TGFBR3: variants seen among roughly 807,000 people sequenced by gnomAD.
TGFBR3 encodes transforming growth factor beta receptor type 3.
In TGFBR3, 46 loss-of-function variants were observed where a neutral mutation model predicts 87.9. The ratio of observed to expected loss-of-function variants is 0.52; its 90% CI spans 0.41 to 0.67. TGFBR3 has a LOEUF of 0.67. Among genes scored for constraint, TGFBR3 ranks in the 30% least tolerant of loss-of-function variants. The probability of loss-of-function intolerance (pLI) is 0.00; values close to 1 mark genes in which losing one functional copy is unlikely to be tolerated. For missense variants in TGFBR3, 866 were observed against 1,041.9 expected (o/e 0.83, Z 2.32); for synonymous variants, 381 against 391.6 (o/e 0.97, Z 0.32).
intron 14 of TGFBR3, among the ~76,000 whole-genome samples, chr1:91,699,152 T>TCCTTA (rs1299688073): frequency 1.3e-5 from 2 of 152,102 alleles, no homozygotes; most frequent in African/African-American, 4.8e-5. Context: ...CCTGATGGAG[T>TCCTTA]CCTTCACCCA....
intron 3 of TGFBR3, among the ~76,000 whole-genome samples, chr1:91,795,428 T>A (rs1270876736): frequency 6.6e-6 from 1 of 152,182 alleles, no homozygotes; most frequent in Non-Finnish European, 1.5e-5. Context: ...TACTGCCAGG[T>A]CCTAAAATGA....
intron 2 of TGFBR3, among the ~76,000 whole-genome samples, chr1:91,851,899 C>T (rs1020136943): frequency 6.6e-6 from 1 of 152,186 alleles, no homozygotes; most frequent in African/African-American, 2.4e-5. Flanking sequence ...AAACATCCTC[C>T]CCTCCACTAT....
intron 12 of TGFBR3, 68 bp from the exon 13 acceptor site, chr1:91,712,610 CCA>C: frequency 1.3e-6 from 2 of 1,488,136 alleles, no homozygotes; most frequent in Non-Finnish European, 1.9e-6. Flanking sequence ...GGCACAAGGA[CCA>C]TATGCCAAGA....
intron 7 of TGFBR3, among the ~76,000 whole-genome samples, 193 bp from the exon 8 acceptor site, chr1:91,722,337 G>C (rs546842043): frequency 6.6e-6 from 1 of 151,998 alleles, no homozygotes; most frequent in Non-Finnish European, 1.5e-5. Context: ...AGACATCTAC[G>C]TATGCTGCTT....
intron 3 of TGFBR3, among the ~76,000 whole-genome samples, chr1:91,794,206 T>TA (rs1675292497): frequency 1.8e-5 from 1 of 55,146 alleles, no homozygotes; most frequent in Admixed American, 2.3e-4. Context: ...CTCCTCCACC[T>TA]TTTTTTTTTG....
upstream of TGFBR3, among the ~76,000 whole-genome samples, chr1:91,886,934 A>G (rs1466742451): frequency 6.6e-6 from 1 of 152,030 alleles, no homozygotes; most frequent in East Asian, 1.9e-4. Context: ...CGTCCTAAGT[A>G]CCTGTGCCTG....
intron 1 of TGFBR3, among the ~76,000 whole-genome samples, chr1:91,878,437 A>G (rs1481134029): frequency 2.0e-5 from 3 of 152,236 alleles, no homozygotes; most frequent in African/African-American, 7.2e-5. Flanking sequence ...AACAAAACGA[A>G]TACTCCCAAA....
intron 2 of TGFBR3, among the ~76,000 whole-genome samples, chr1:91,856,582 C>G (rs1264969812): frequency 6.6e-6 from 1 of 152,230 alleles, no homozygotes; most frequent in Non-Finnish European, 1.5e-5. Context: ...TCTGCCCCTC[C>G]TCTGGCCACA....
At chr1:91,794,204 C>T (rs1025110229) in intron 3 of TGFBR3, among the ~76,000 whole-genome samples, 1 of 82,380 alleles carries the variant, frequency 1.2e-5, no homozygotes, top group African/African-American at 5.5e-5. Context: ...ATCTCCTCCA[C>T]CTTTTTTTTT....
rs1671627193 is a variant in TGFBR3, at chr1:91,701,796, A to C, written c.2288-3666T>G. ...CTATTGGCATTTGGCAAAGAGAAGAATGGGGAGAGGAAGATTCCTCCTGGA... is the reference window on the plus strand; with the variant it reads ...CTATTGGCATTTGGCAAAGAGAAGACTGGGGAGAGGAAGATTCCTCCTGGA... On this transcript the variant is annotated intron_variant, in intron 14 of 16. Transcript: ENST00000212355. Among the ~76,000 whole-genome samples, 2 of 152,164 alleles carry C rather than the reference A, an allele frequency of 1.3e-5. 1 individual carries two copies. Among genetic ancestry groups the C allele is most frequent in the South Asian group, 4.1e-4 (2 of 4,822 alleles).
chr1:91,776,957 C>A (rs1323631830), intron 3 of TGFBR3, among the ~76,000 whole-genome samples: 1 of 152,200 alleles, frequency 6.6e-6, no homozygotes, highest in African/African-American at 2.4e-5. Context: ...ATCTAACAAA[C>A]AAAGGTCCTG....
At chr1:91,757,817 G>A (rs182711350) in intron 4 of TGFBR3, among the ~76,000 whole-genome samples, 1 of 152,304 alleles carries the variant, frequency 6.6e-6, no homozygotes, top group African/African-American at 2.4e-5. Context: ...TGAGGCAAGA[G>A]GAAAACTATT....
chr1:91,835,777 G>A (rs1460471698), intron 2 of TGFBR3, among the ~76,000 whole-genome samples: 7 of 132,558 alleles, frequency 5.3e-5, no homozygotes, highest in East Asian at 2.3e-4. Flanking sequence ...GCAGTGAGCC[G>A]AGATTGTGCC....
chr1:91,820,938 G>C (rs1431505519), intron 2 of TGFBR3, among the ~76,000 whole-genome samples: 2 of 152,218 alleles, frequency 1.3e-5, no homozygotes, highest in Admixed American at 6.5e-5. Context: ...AGGTAGGGGT[G>C]ATGCTAGAGA....
chr1:91,812,805 G>T (rs1401953726), intron 2 of TGFBR3, among the ~76,000 whole-genome samples: 1 of 152,122 alleles, frequency 6.6e-6, no homozygotes, highest in Non-Finnish European at 1.5e-5. Context: ...GTAGAGATGG[G>T]GTTTCACCAT....
chr1:91,890,409 C>CTTTTTTTTTTTTTTTTTTTTTT (rs1175619952), upstream of TGFBR3, among the ~76,000 whole-genome samples: 2 of 60,364 alleles, frequency 3.3e-5, no homozygotes, highest in African/African-American at 1.4e-4. Flanking sequence ...TCTCTATAAT[C>CTTTTTTTTTTTTTTTTTTTTTT]TTTTTTTTTT....
chr1:91,757,492 A>C (rs1034086904), intron 4 of TGFBR3, among the ~76,000 whole-genome samples: 2 of 152,030 alleles, frequency 1.3e-5, no homozygotes, highest in African/African-American at 4.8e-5. Context: ...TACTTCCTGA[A>C]CTCCCTCCAT....
rs199786596 is a variant in TGFBR3 at position 91,717,689 on chromosome 1, T to TAAAA, written c.1567-985_1567-982dup. Among the ~76,000 whole-genome samples the TAAAA allele has an allele frequency of 1.6e-4, 22 of 136,162 alleles. 1 individual carries two copies. Among genetic ancestry groups the TAAAA allele is most frequent in the South Asian group, 2.4e-4 (1 of 4,166 alleles). 89.3% of individuals were successfully genotyped at this position (136,162 alleles called of 152,430 possible). ...AAAGGGAGTAGGATGGGAAGAAAAT[T>TAAAA]AAAAAAAAAAAACAAACTGCCTTTC... is the stretch of plus-strand genomic sequence containing the variant. On this transcript the variant is annotated intron_variant, in intron 10 of 16. Coordinates refer to ENST00000212355, the MANE Select transcript of TGFBR3 (RefSeq NM_003243.5).
intron 2 of TGFBR3, among the ~76,000 whole-genome samples, chr1:91,898,782 A>T (rs1679614958): frequency 6.6e-6 from 1 of 152,180 alleles, no homozygotes; most frequent in African/African-American, 2.4e-5. Context: ...TCCTATAAGA[A>T]ATAAAATATT....
Sources: allele counts gnomAD v4.1 joint callset (sites outside exome capture counted in the v4.1 genomes callset), GRCh38; gene constraint gnomAD v4.1.1; transcripts MANE v1.5; gene names NCBI Gene and HGNC (gene_info 2026-07-23, HGNC 2026-07-21).